MIPOL1: variants seen among roughly 807,000 people sequenced by gnomAD.
The protein encoded by MIPOL1 is mirror-image polydactyly 1, also known as mirror-image polydactyly gene 1 protein.
Under a neutral mutation model 60.9 loss-of-function variants are expected in MIPOL1, and 57 were observed. That is an observed-to-expected ratio of 0.94 (90% CI 0.76 to 1.17). The LOEUF (loss-of-function observed/expected upper bound fraction) is 1.17, where lower values mean the gene tolerates loss of function less well. Among genes scored for constraint, MIPOL1 ranks in the 50% most tolerant of loss-of-function variants. The pLI is 0.00. For synonymous variants in MIPOL1, 179 were observed against 168.8 expected, an observed-to-expected ratio of 1.06 and a Z score of -0.47; for missense variants, 551 against 511.6, an observed-to-expected ratio of 1.08 and a Z score of -0.74.
Position 37,550,313 on chromosome 14 carries a change from A to G in MIPOL1, c.*3342A>G, listed in dbSNP as rs878876966. 3 of 151,328 alleles carry G rather than the reference A, an allele frequency of 2.0e-5. No individual in the cohort carries two copies. The highest frequency in any genetic ancestry group is 2.0e-4 in the Admixed American group (3 of 15,190). 9.4% of individuals were successfully genotyped at this position (151,328 alleles called of 1,614,324 possible). A position where few individuals can be genotyped will look rare whatever the true frequency, so the allele number is the denominator to read the frequency against. ...ATATGTACTATTCTTAAAGATCACA[A>G]TTATTTTTAAACTTTCTATTTTCAA... On this transcript the variant is annotated 3_prime_UTR_variant, in exon 13 of 13. Coordinates refer to ENST00000684589, the MANE Select transcript of MIPOL1 (RefSeq NM_001388067.1).
At chr14:37,420,184 A>T (rs935666475) in intron 10 of MIPOL1, among the ~76,000 whole-genome samples, 8 of 152,068 alleles carry the variant, frequency 5.3e-5, no homozygotes, top group African/African-American at 1.9e-4. Context: ...AAGTATCTAT[A>T]TATGCTTATA....
At chr14:37,322,530 G>A (rs2088689336) in intron 9 of MIPOL1, among the ~76,000 whole-genome samples, 1 of 151,804 alleles carries the variant, frequency 6.6e-6, no homozygotes, top group African/African-American at 2.4e-5. Flanking sequence ...CTTGGCTCAG[G>A]AGGATTTTTT....
chr14:37,528,911 A>G (rs1320590048), intron 12 of MIPOL1, among the ~76,000 whole-genome samples: 1 of 152,192 alleles, frequency 6.6e-6, no homozygotes, highest in African/African-American at 2.4e-5. Flanking sequence ...CCTTGAGAAT[A>G]GTCAGTCATC....
intron 10 of MIPOL1, among the ~76,000 whole-genome samples, chr14:37,377,208 A>G (rs1326818682): frequency 6.6e-6 from 1 of 152,130 alleles, no homozygotes; most frequent in Non-Finnish European, 1.5e-5. Flanking sequence ...TGCTATAGAC[A>G]CTGGAAAAGT....
At chr14:37,419,473 T>G (rs2093830781) in intron 10 of MIPOL1, among the ~76,000 whole-genome samples, 1 of 152,196 alleles carries the variant, frequency 6.6e-6, no homozygotes, top group Non-Finnish European at 1.5e-5. Flanking sequence ...AATCTTTACC[T>G]TATATAAATT....
At chr14:37,309,916 T>C (rs1245709815) in intron 9 of MIPOL1, among the ~76,000 whole-genome samples, 1 of 152,050 alleles carries the variant, frequency 6.6e-6, no homozygotes, top group African/African-American at 2.4e-5. Context: ...CTTGAACTGC[T>C]GACCTCAAGT....
chr14:37,467,042 T>C (rs2153586011), intron 11 of MIPOL1, among the ~76,000 whole-genome samples: 1 of 152,344 alleles, frequency 6.6e-6, no homozygotes, highest in South Asian at 2.1e-4. Flanking sequence ...TTAGCTACAT[T>C]TTTTGAAATA....
At chr14:37,339,033 A>G (rs2090390883) in intron 9 of MIPOL1, among the ~76,000 whole-genome samples, 1 of 152,256 alleles carries the variant, frequency 6.6e-6, no homozygotes, top group South Asian at 2.1e-4. Flanking sequence ...CATTAAGAAA[A>G]TAAATTGGCA....
intron 7 of MIPOL1, among the ~76,000 whole-genome samples, chr14:37,306,229 G>A (rs2086777158): frequency 6.6e-6 from 1 of 151,786 alleles, no homozygotes; most frequent in Non-Finnish European, 1.5e-5. Flanking sequence ...CCTGAAGACA[G>A]CCTTAAATAT....
At chr14:37,348,296 C>G (rs1320914301) in intron 9 of MIPOL1, among the ~76,000 whole-genome samples, 1 of 151,948 alleles carries the variant, frequency 6.6e-6, no homozygotes, top group Admixed American at 6.6e-5. Flanking sequence ...AGCGTTCAGC[C>G]TGGAAGGAAA....
At chr14:37,529,731 A>G (rs1169632029) in intron 12 of MIPOL1, among the ~76,000 whole-genome samples, 1 of 152,172 alleles carries the variant, frequency 6.6e-6, no homozygotes, top group Non-Finnish European at 1.5e-5. Flanking sequence ...AGGGTAATAC[A>G]GAGGAGAGAA....
intron 12 of MIPOL1, among the ~76,000 whole-genome samples, chr14:37,514,655 C>A (rs1389998299): frequency 6.7e-6 from 1 of 149,326 alleles, no homozygotes; most frequent in East Asian, 2.0e-4. Flanking sequence ...GAGTTTCGCT[C>A]TTGTTGCCCA....
chr14:37,266,412 C>G (rs887454715), intron 3 of MIPOL1, among the ~76,000 whole-genome samples: 1 of 152,102 alleles, frequency 6.6e-6, no homozygotes, highest in Non-Finnish European at 1.5e-5. Flanking sequence ...TAATGAAACT[C>G]TTAAAATCTG....
intron 10 of MIPOL1, among the ~76,000 whole-genome samples, chr14:37,415,639 A>AG (rs1164394978): frequency 3.3e-5 from 5 of 151,440 alleles, no homozygotes; most frequent in Admixed American, 3.3e-4. Context: ...AAAAAAAAAA[A>AG]AAAAAATTAG....
chr14:37,523,451 T>C (rs546876813), intron 12 of MIPOL1: 31 of 392,112 alleles, frequency 7.9e-5, no homozygotes, highest in Non-Finnish European at 1.2e-4. Context: ...CAAATATAAA[T>C]ATTAGAGTTT....
intron 9 of MIPOL1, among the ~76,000 whole-genome samples, chr14:37,334,871 T>C (rs2089991794): frequency 6.6e-6 from 1 of 152,116 alleles, no homozygotes; most frequent in Admixed American, 6.5e-5. Context: ...CATTTTTAAA[T>C]TGTCAAATTA....
At chr14:37,513,439 T>G (rs994695243) in intron 12 of MIPOL1, among the ~76,000 whole-genome samples, 3 of 152,146 alleles carry the variant, frequency 2.0e-5, no homozygotes, top group African/African-American at 7.2e-5. Flanking sequence ...CTAAAGAATT[T>G]GGGCTTATAT....
chr14:37,430,960 A>G (rs2094053484), intron 11 of MIPOL1, among the ~76,000 whole-genome samples: 1 of 152,304 alleles, frequency 6.6e-6, no homozygotes, highest in Middle Eastern at 3.4e-3. Flanking sequence ...CAACATGTAT[A>G]GCTCTCAACT....
At chr14:37,266,587 T>G (rs2082889066) in intron 3 of MIPOL1, among the ~76,000 whole-genome samples, 1 of 152,180 alleles carries the variant, frequency 6.6e-6, no homozygotes, top group Non-Finnish European at 1.5e-5. Flanking sequence ...AGGGACATAT[T>G]TTTAAAAAAC....
Sources: allele counts gnomAD v4.1 joint callset (sites outside exome capture counted in the v4.1 genomes callset), GRCh38; gene constraint gnomAD v4.1.1; transcripts MANE v1.5; gene names NCBI Gene and HGNC (gene_info 2026-07-23, HGNC 2026-07-21).